Variants in ERBB4 observed in about 807,000 individuals in gnomAD.
The protein encoded by ERBB4 is receptor tyrosine-protein kinase erbB-4.
ERBB4 carries 42 observed loss-of-function variants against 158.0 expected under a neutral mutation model. The ratio of observed to expected loss-of-function variants is 0.27; its 90% CI spans 0.21 to 0.34. ERBB4 has a LOEUF of 0.34. ERBB4 is among the 10% of genes least tolerant of loss of function. The pLI, the probability that ERBB4 is intolerant of heterozygous loss-of-function variation, is 1.00. For missense variants in ERBB4, 1,333 were observed against 1,624.1 expected (o/e 0.82, Z 3.08); for synonymous variants, 583 against 558.7 (o/e 1.04, Z -0.61).
rs145458154 is a variant in ERBB4 at position 212,210,906 on chromosome 2, T to C, written c.83-86003A>G. The stretch of plus-strand genomic sequence containing the variant: ...TTATATTTCCCAGTCTGTAGAACAT[T>C]CTCACTTGGCATCTCTCTCTCTCTC... On this transcript the variant is annotated intron_variant, in intron 1 of 27. Coordinates refer to ENST00000342788, the MANE Select transcript of ERBB4 (RefSeq NM_005235.3). Among the ~76,000 whole-genome samples the C allele has an allele frequency of 2.2e-3, 334 of 152,204 alleles. 1 individual carries two copies. The highest frequency in any genetic ancestry group is 7.6e-3 in the African/African-American group (314 of 41,546).
At chr2:212,509,774 TGATTA>T (rs553832140) in intron 1 of ERBB4, among the ~76,000 whole-genome samples, 4 of 152,148 alleles carry the variant, frequency 2.6e-5, no homozygotes, top group Non-Finnish European at 5.9e-5. Flanking sequence ...TATTGTTCAC[TGATTA>T]AATTATTAGA....
chr2:212,244,972 T>C (rs1037914710), intron 1 of ERBB4, among the ~76,000 whole-genome samples: 5 of 152,154 alleles, frequency 3.3e-5, no homozygotes, highest in African/African-American at 1.2e-4. Context: ...CTCCCTTTTA[T>C]AGATGTTAAG....
intron 1 of ERBB4, among the ~76,000 whole-genome samples, chr2:212,265,022 G>A (rs2085079064): frequency 6.6e-6 from 1 of 152,024 alleles, no homozygotes; most frequent in African/African-American, 2.4e-5. Flanking sequence ...TATGTGGAGA[G>A]GGGCCCACTG....
At chr2:211,823,405 T>C (rs1355609246) in intron 3 of ERBB4, among the ~76,000 whole-genome samples, 2 of 151,934 alleles carry the variant, frequency 1.3e-5, no homozygotes, top group Non-Finnish European at 2.9e-5. Context: ...GGGGTAAGCA[T>C]CTCTTAGAGA....
intron 1 of ERBB4, among the ~76,000 whole-genome samples, chr2:212,151,391 C>T (rs1053974301): frequency 6.0e-5 from 9 of 151,154 alleles, no homozygotes; most frequent in Non-Finnish European, 1.3e-4. Context: ...TATAATGTGA[C>T]AATATTATAT....
chr2:211,713,650 TGA>T lies in ERBB4; in HGVS notation c.884-4_884-3del. ...AACTGGAATCTACCACAAAGTTATC[TGA>T]TTAAAAAAAAAAAAAAGGTAAAATA... On this transcript the variant is annotated splice_polypyrimidine_tract_variant and splice_region_variant and intron_variant, in intron 7 of 27. Transcript: ENST00000342788. 1 of 1,522,970 alleles carries T rather than the reference TGA, an allele frequency of 6.6e-7. No individual in the cohort carries two copies. Among genetic ancestry groups the T allele is most frequent in the Non-Finnish European group, 9.0e-7 (1 of 1,111,600 alleles). The allele number at this position is 1,522,970 out of a possible 1,614,324, so 94.3% of individuals were successfully genotyped here. A position where few individuals can be genotyped will look rare whatever the true frequency, so the allele number is the denominator to read the frequency against.
intron 3 of ERBB4, among the ~76,000 whole-genome samples, chr2:211,915,100 C>A (rs73077363): frequency 6.6e-6 from 1 of 151,996 alleles, no homozygotes; most frequent in Non-Finnish European, 1.5e-5. Flanking sequence ...TTAAGATGTA[C>A]CTGTCCAACT....
intron 2 of ERBB4, among the ~76,000 whole-genome samples, chr2:211,979,243 A>C (rs1213405845): frequency 1.3e-5 from 2 of 152,352 alleles, no homozygotes; most frequent in Non-Finnish European, 2.9e-5. Context: ...CATTCAAGAC[A>C]GATTTTAGAA....
At chr2:211,830,495 C>T (rs2105968660) in intron 3 of ERBB4, among the ~76,000 whole-genome samples, 1 of 152,166 alleles carries the variant, frequency 6.6e-6, no homozygotes, top group South Asian at 2.1e-4. Context: ...AATTATTAGC[C>T]TTTAATTTGT....
At chr2:211,655,412 A>T in intron 16 of ERBB4, among the ~76,000 whole-genome samples, 1 of 152,186 alleles carries the variant, frequency 6.6e-6, no homozygotes, top group East Asian at 1.9e-4. Flanking sequence ...GGACACACTC[A>T]ATCTTACAAT....
chr2:212,058,990 G>C (rs1202282437), intron 2 of ERBB4, among the ~76,000 whole-genome samples: 1 of 152,142 alleles, frequency 6.6e-6, no homozygotes, highest in Non-Finnish European at 1.5e-5. Flanking sequence ...AGGCATAGAG[G>C]AAGTCAAATT....
chr2:212,467,260 C>T (rs1016163395), intron 1 of ERBB4, among the ~76,000 whole-genome samples: 3 of 152,134 alleles, frequency 2.0e-5, no homozygotes, highest in South Asian at 2.1e-4. Context: ...AATGAGGAGC[C>T]GAATGTTAAT....
At chr2:211,606,443 G>GA (rs530993644) in intron 19 of ERBB4, among the ~76,000 whole-genome samples, 29 of 35,408 alleles carry the variant, frequency 8.2e-4, no homozygotes, top group South Asian at 6.2e-3. Context: ...TATGGATTTG[G>GA]AAAATTTTTT....
At chr2:212,421,694 C>T (rs542913271) in intron 1 of ERBB4, among the ~76,000 whole-genome samples, 9 of 152,248 alleles carry the variant, frequency 5.9e-5, no homozygotes, top group Non-Finnish European at 8.8e-5. Context: ...AAACTATCCA[C>T]ATCACTACAC....
intron 2 of ERBB4, among the ~76,000 whole-genome samples, chr2:211,998,103 C>T (rs1575492512): frequency 6.6e-6 from 1 of 151,752 alleles, no homozygotes; most frequent in South Asian, 2.1e-4. Flanking sequence ...TTAATGGGTG[C>T]AGCATACCAA....
intron 2 of ERBB4, among the ~76,000 whole-genome samples, chr2:212,038,591 G>T (rs1302075613): frequency 3.9e-5 from 6 of 152,144 alleles, no homozygotes; most frequent in African/African-American, 1.4e-4. Context: ...GTTACTCGTT[G>T]ATTCTTTTTT....
chr2:211,927,971 A>C (rs2080066429), intron 3 of ERBB4, among the ~76,000 whole-genome samples: 1 of 152,230 alleles, frequency 6.6e-6, no homozygotes, highest in Non-Finnish European at 1.5e-5. Flanking sequence ...AGTGACACTT[A>C]TTTTTCACGT....
chr2:211,684,175 G>A (rs896530392), intron 12 of ERBB4, among the ~76,000 whole-genome samples: 4 of 152,150 alleles, frequency 2.6e-5, no homozygotes, highest in African/African-American at 7.2e-5. Context: ...CAAGTGGCCG[G>A]ACACGGTGGC....
At chr2:212,363,404 CTAGA>C (rs1293096586) in intron 1 of ERBB4, among the ~76,000 whole-genome samples, 3 of 151,148 alleles carry the variant, frequency 2.0e-5, no homozygotes, top group Non-Finnish European at 1.5e-5. Context: ...CAGATAATAC[CTAGA>C]TAGATTTATT....
Sources: allele counts gnomAD v4.1 joint callset (sites outside exome capture counted in the v4.1 genomes callset), GRCh38; gene constraint gnomAD v4.1.1; transcripts MANE v1.5; gene names NCBI Gene and HGNC (gene_info 2026-07-23, HGNC 2026-07-21).